PKD1L1: variants seen among roughly 807,000 people sequenced by gnomAD.
PKD1L1 encodes the protein polycystin-1-like protein 1.
A neutral mutation model predicts 323.4 loss-of-function variants in PKD1L1; 236 were observed. That is an observed-to-expected ratio of 0.73 (90% confidence interval 0.66 to 0.81). The LOEUF is 0.81. Among genes scored for constraint, PKD1L1 ranks in the 40% least tolerant of loss-of-function variants. PKD1L1 has a pLI of 0.00. For synonymous variants in PKD1L1, 1,344 were observed against 1,335.0 expected (o/e 1.01, Z -0.15); for missense variants, 3,320 against 3,508.0 (o/e 0.95, Z 1.35).
chr7:47,880,917 T>A, intron 20 of PKD1L1, 112 bp from the exon 21 acceptor site: 1 of 705,148 alleles, frequency 1.4e-6, no homozygotes, highest in South Asian at 2.1e-5. Context: ...GAAATTAACA[T>A]AGATACTAGT....
At chr7:47,824,002 T>G (rs371286422) in intron 45 of PKD1L1, among the ~76,000 whole-genome samples, 59 of 152,380 alleles carry the variant, frequency 3.9e-4, no homozygotes, top group African/African-American at 1.4e-3. Context: ...GTTTGACCAA[T>G]GTGAGCCTCT....
At position 47,790,014 on chromosome 7, in the gene PKD1L1, G is replaced by A. The variant is rs983909870; in HGVS notation, c.8526+2613C>T. Among the ~76,000 whole-genome samples the A allele has an allele frequency of 3.3e-5, 5 of 151,778 alleles. No individual in the cohort carries two copies. In the South Asian group the frequency reaches 6.2e-4, roughly 19 times the overall value. ...AGCAATTCTCTTGCCTCAGCCTCCC[G>A]AGTAGCTGGGACTACAGCCGCGTGC... On this transcript the variant is annotated intron_variant, in intron 56 of 56. Coordinates refer to ENST00000289672, the MANE Select transcript of PKD1L1 (RefSeq NM_138295.5).
Position 47,808,271 on chromosome 7 carries a change from G to A in PKD1L1, c.7803C>T (p.Leu2601=), listed in dbSNP as rs1784822999. ...CCTGATTCCATGATGCCATAAGGGT[G>A]AGGTCCATAAATGCTCGGCAAAGTC... ...HRGLCRAFMD[L]TLMASWNQRA... is the part of the protein sequence containing the mutation. The change falls in exon 52 of 57, where the codon CTC becomes CTT. Residue 2601 remains leucine, a synonymous_variant. Transcript: ENST00000289672. 6.2e-7 allele frequency: 1 copy of A among 1,614,186 alleles called. No homozygotes were observed.
At chr7:47,864,771 T>C (rs943945778) in intron 26 of PKD1L1, among the ~76,000 whole-genome samples, 1 of 144,180 alleles carries the variant, frequency 6.9e-6, no homozygotes, top group Non-Finnish European at 1.5e-5. Flanking sequence ...CAGGCTGGAG[T>C]GCAGTGGCGC....
At chr7:47,818,581 A>G (rs1785073487) in intron 46 of PKD1L1, among the ~76,000 whole-genome samples, 1 of 152,222 alleles carries the variant, frequency 6.6e-6, no homozygotes, top group Non-Finnish European at 1.5e-5. Flanking sequence ...CAATGGCCAG[A>G]CTGCAGACAT....
rs13237611 is a variant in PKD1L1, at chr7:47,844,957, A to G, written c.5237+38T>C. 705,906 of 1,542,570 alleles carry G rather than the reference A, an allele frequency of 0.46. 166,606 individuals carry two copies. Among genetic ancestry groups the G allele is most frequent in the East Asian group, 0.67 (29,773 of 44,312 alleles). On this transcript the variant is annotated intron_variant, in intron 33 of 56. Transcript: ENST00000289672. ...ATCCTGAGTGAACAGTAAAACAAAT[A>G]AAGTCTATGAAGTCTTTATGTAGGA...
chr7:47,948,202 G>GA (rs942969844), intron 1 of PKD1L1, among the ~76,000 whole-genome samples, 195 bp downstream of exon 1: 1 of 152,064 alleles, frequency 6.6e-6, no homozygotes, highest in African/African-American at 2.4e-5. Context: ...AAGCCTTCAG[G>GA]AAAAAACTCC....
intron 23 of PKD1L1, 46 bp downstream of exon 23, chr7:47,876,051 C>T (rs1786396490): frequency 6.2e-7 from 1 of 1,602,340 alleles, no homozygotes. Context: ...AGGTTTAGAA[C>T]TGTAGGTTGG....
At chr7:47,882,422 A>C (rs1786580387) in intron 19 of PKD1L1, among the ~76,000 whole-genome samples, 1 of 152,024 alleles carries the variant, frequency 6.6e-6, no homozygotes, top group African/African-American at 2.4e-5. Flanking sequence ...TGCTATCTGG[A>C]GTTAATAGTG....
At chr7:47,913,411 C>T (rs1401664003) in intron 8 of PKD1L1, among the ~76,000 whole-genome samples, 1 of 152,102 alleles carries the variant, frequency 6.6e-6, no homozygotes, top group East Asian at 1.9e-4. Flanking sequence ...AATCTCATGT[C>T]GAATTGCATT....
chr7:47,796,730 G>T (rs1410231128), intron 54 of PKD1L1, among the ~76,000 whole-genome samples: 1 of 151,848 alleles, frequency 6.6e-6, no homozygotes, highest in African/African-American at 2.4e-5. Context: ...GCTCATGCCT[G>T]TAATCCCAGC....
In PKD1L1 at chr7:47,898,089, C is replaced by T; in HGVS notation, c.2170G>A (p.Gly724Arg). The change falls in exon 14 of 57, where the codon GGG (glycine) becomes AGG (arginine). Residue 724 changes from glycine (G) to arginine (R), a missense_variant. By Grantham distance (125) the Gly-to-Arg change is moderately radical. Coordinates refer to ENST00000289672, the MANE Select transcript of PKD1L1 (RefSeq NM_138295.5). ...GCAGCAGGGAGGGAGACAGGGAGCC[C>T]TTCAGAGTCCATCAAGTTCCAGGTG... ...SYTWNLMDSEGLPVSLPAAVD... is the reference protein window; with the variant it reads ...SYTWNLMDSERLPVSLPAAVD... 1 of 1,614,052 alleles carries T rather than the reference C, an allele frequency of 6.2e-7. No individual in the cohort carries two copies. The highest frequency in any genetic ancestry group is 1.3e-5 in the African/African-American group (1 of 75,022).
chr7:47,819,782 C>T (rs544704107), intron 46 of PKD1L1: 13 of 278,712 alleles, frequency 4.7e-5, no homozygotes, highest in South Asian at 9.4e-5. Context: ...TATCTTGCTG[C>T]GTATGAATAA....
intron 17 of PKD1L1, among the ~76,000 whole-genome samples, chr7:47,886,627 G>A (rs1002656730): frequency 3.3e-5 from 5 of 152,022 alleles, no homozygotes; most frequent in Admixed American, 6.6e-5. Flanking sequence ...TTAAAGGAGC[G>A]TGGCAACTGC....
At chr7:47,913,073 A>T (rs1466247810) in intron 8 of PKD1L1, among the ~76,000 whole-genome samples, 1 of 152,090 alleles carries the variant, frequency 6.6e-6, no homozygotes, top group Non-Finnish European at 1.5e-5. Flanking sequence ...CTGCTGGGCC[A>T]AACTTGGAGA....
chr7:47,787,008 C>T (rs1250116348), intron 56 of PKD1L1, among the ~76,000 whole-genome samples: 1 of 152,096 alleles, frequency 6.6e-6, no homozygotes, highest in Non-Finnish European at 1.5e-5. Flanking sequence ...ATTGATAGCT[C>T]CAGGCATCCA....
At chr7:47,950,289 T>C (rs77677709), upstream of PKD1L1, among the ~76,000 whole-genome samples, 150 of 152,240 alleles carry the variant, frequency 9.9e-4, no homozygotes, top group Non-Finnish European at 1.7e-3. Context: ...GTTCCTTCCT[T>C]GTGGGGCTGG....
intron 11 of PKD1L1, 66 bp from the exon 12 acceptor site, chr7:47,904,683 G>T (rs895959885): frequency 2.2e-5 from 33 of 1,534,126 alleles, no homozygotes; most frequent in Non-Finnish European, 2.8e-5. Context: ...CAGGTCTAGA[G>T]AAACCGTCTG....
chr7:47,924,600 AT>A (rs1168515266), intron 7 of PKD1L1, among the ~76,000 whole-genome samples: 1 of 152,234 alleles, frequency 6.6e-6, no homozygotes, highest in Non-Finnish European at 1.5e-5. Flanking sequence ...AACCCCTATC[AT>A]AATTTTAACC....
Sources: gnomAD v4.1 joint callset for allele counts (sites outside exome capture counted in the v4.1 genomes callset) on GRCh38, gnomAD v4.1.1 for gene constraint, MANE v1.5 for transcripts, NCBI Gene and HGNC (gene_info 2026-07-23, HGNC 2026-07-21) for gene names.